Variants in RFC5 observed in about 807,000 individuals in gnomAD.
The protein encoded by RFC5 is replication factor C subunit 5, also known as A1 36 kDa subunit.
In RFC5, 26 loss-of-function variants were observed where a neutral mutation model predicts 44.3. That is an observed-to-expected ratio of 0.59 (90% CI 0.43 to 0.81). RFC5 has a LOEUF of 0.81. Among genes scored for constraint, RFC5 ranks in the 40% least tolerant of loss-of-function variants. The pLI, the probability that RFC5 is intolerant of heterozygous loss-of-function variation, is 0.00. For missense variants in RFC5, 328 were observed against 418.6 expected, an observed-to-expected ratio of 0.78 and a Z score of 1.89; for synonymous variants, 155 against 155.2, an observed-to-expected ratio of 1.00 and a Z score of 0.01.
At chr12:118,037,667 TA>T (rs752087366), downstream of RFC5, among the ~76,000 whole-genome samples, 2,193 of 123,450 alleles carry the variant, frequency 0.018, 44 homozygotes, top group African/African-American at 0.055. Flanking sequence ...AAACTCTGTC[TA>T]AAAAAAAAAA....
At chr12:118,033,441 G>A (rs1389631141), downstream of RFC5, 1 of 152,080 alleles carries the variant, frequency 6.6e-6, no homozygotes, top group East Asian at 1.9e-4. Flanking sequence ...CTAATAAATG[G>A]CCACTGATAA....
intron 3 of RFC5, among the ~76,000 whole-genome samples, chr12:118,020,705 T>TG (rs1276576600): frequency 6.6e-6 from 1 of 152,108 alleles, no homozygotes; most frequent in African/African-American, 2.4e-5. Context: ...CCTCAAAGGG[T>TG]GGGGGTAATA....
chr12:118,022,457 G>C, intron 5 of RFC5, 98 bp downstream of exon 5: 1 of 845,658 alleles, frequency 1.2e-6, no homozygotes, highest in Non-Finnish European at 1.9e-6. Flanking sequence ...TTTTTTAGGC[G>C]GGGGGGAGTT....
In RFC5 at chr12:118,019,624, A is replaced by G; in HGVS notation, c.131-8A>G. On this transcript the variant is annotated splice_region_variant and splice_polypyrimidine_tract_variant and intron_variant, in intron 2 of 10. Coordinates refer to ENST00000454402, the MANE Select transcript of RFC5 (RefSeq NM_007370.7). The surrounding 1 kb of genome is among the most constrained non-coding windows in gnomAD (Gnocchi z 4.2). Reference sequence around the variant, plus strand: ...CTGATGGTGCCCTTCTTCCTTCCTGATCCTCAGTTCAGAAGTTTATCAATG... The same window carrying G: ...CTGATGGTGCCCTTCTTCCTTCCTGGTCCTCAGTTCAGAAGTTTATCAATG... 1 of 1,613,906 alleles carries G rather than the reference A, an allele frequency of 6.2e-7. No individual in the cohort carries two copies.
Position 118,022,269 on chromosome 12 carries a change from A to C in RFC5, c.348-17A>C. ...GAGATTGAAGAAATCTTTAGACAGC[A>C]CCATTTGTTTTTCTAGGAAAGGCTT... is the stretch of plus-strand genomic sequence containing the variant. On this transcript the variant is annotated splice_polypyrimidine_tract_variant and intron_variant, in intron 4 of 10. Transcript: ENST00000454402. The C allele has an allele frequency of 6.2e-7, 1 of 1,602,502 alleles. No individual in the cohort carries two copies. The highest frequency in any genetic ancestry group is 1.1e-5 in the South Asian group (1 of 90,854).
chr12:118,022,159 C>G (rs926082338), intron 4 of RFC5, 127 bp from the exon 5 acceptor site: 1 of 735,264 alleles, frequency 1.4e-6, no homozygotes, highest in African/African-American at 1.8e-5. Flanking sequence ...TCTGCCTTGG[C>G]CAAAGTTCTA....
chr12:118,036,315 CAT>C, downstream of RFC5: 1 of 1,603,960 alleles, frequency 6.2e-7, no homozygotes, highest in Non-Finnish European at 8.5e-7. Context: ...ACAAAAAAGT[CAT>C]AGCAGGGATT....
intron 1 of RFC5, chr12:118,017,864 T>G (rs1480597264): frequency 3.0e-6 from 2 of 667,604 alleles, no homozygotes; most frequent in Admixed American, 2.1e-5. Context: ...TACAATTCAG[T>G]GGCATTAAGT....
intron 10 of RFC5, among the ~76,000 whole-genome samples, 171 bp downstream of exon 10, chr12:118,029,996 G>A (rs1296695755): frequency 6.6e-6 from 1 of 152,058 alleles, no homozygotes; most frequent in Non-Finnish European, 1.5e-5. Flanking sequence ...GCTGCTTAAA[G>A]AACATGGGGA....
chr12:118,034,340 G>T (rs1250976470), downstream of RFC5: 3 of 1,613,970 alleles, frequency 1.9e-6, no homozygotes, highest in African/African-American at 4.0e-5. Flanking sequence ...TCCAGAACTG[G>T]ACGTGGCCAT....
intron 1 of RFC5, among the ~76,000 whole-genome samples, chr12:118,018,696 G>GCCT (rs1362049832): frequency 2.0e-5 from 3 of 151,902 alleles, no homozygotes; most frequent in Non-Finnish European, 4.4e-5. Flanking sequence ...TGCAACCTCC[G>GCCT]CCTCCCGGGT....
intron 1 of RFC5, chr12:118,017,544 C>G: frequency 2.4e-6 from 1 of 418,496 alleles, no homozygotes; most frequent in Non-Finnish European, 3.6e-6. Context: ...GCTTCCAAGA[C>G]TTTGAAGCAA....
rs191078389 is a variant in RFC5 at position 118,029,860 on chromosome 12, T to C, written c.926+35T>C. On this transcript the variant is annotated intron_variant, in intron 10 of 10. Coordinates refer to ENST00000454402, the MANE Select transcript of RFC5 (RefSeq NM_007370.7). ...TCTTGCCCCAGTTTTAATTCTTTTC[T>C]TCCTTTTTTCCCCTGTTGTGAGTTA... 98 of 1,440,248 alleles carry C rather than the reference T, an allele frequency of 6.8e-5. 1 individual carries two copies. The East Asian group carries it at 2.0e-3, about 30-fold the overall frequency. The allele number at this position is 1,440,248 out of a possible 1,614,324, so 89.2% of individuals were successfully genotyped here. A position where few individuals can be genotyped will look rare whatever the true frequency, so the allele number is the denominator to read the frequency against.
chr12:118,023,198 G>C (rs1211492321), intron 5 of RFC5, among the ~76,000 whole-genome samples: 2 of 151,768 alleles, frequency 1.3e-5, no homozygotes, highest in Non-Finnish European at 2.9e-5. Context: ...TGCTTGCCAA[G>C]TGAATGATTT....
downstream of RFC5, chr12:118,032,235 T>G (rs1252779291): frequency 6.6e-6 from 1 of 152,218 alleles, no homozygotes; most frequent in Non-Finnish European, 1.5e-5. Flanking sequence ...CTGTTCTTTA[T>G]AAAATGTCAA....
rs1404966671 is a variant in RFC5 at position 118,019,721 on chromosome 12, G to A, written c.220G>A (p.Ala74Thr). 5.0e-6 allele frequency: 8 copies of A among 1,613,870 alleles called. No individual in the cohort carries two copies. The African/African-American group carries it at 9.3e-5, about 19-fold the overall frequency. ...TGKTSTILAC[A>T]KQLYKDKEFG... ...CAAGACATCTACCATCCTAGCCTGTGCGAAACAGCTATATAAAGACAAAGA... is the reference window on the plus strand; with the variant it reads ...CAAGACATCTACCATCCTAGCCTGTACGAAACAGCTATATAAAGACAAAGA... Residue 74 changes from alanine to threonine, a missense_variant, in exon 3 of 11, where the codon GCG becomes ACG. Ala to Thr is a moderately conservative substitution (Grantham distance 58). Coordinates refer to ENST00000454402, the MANE Select transcript of RFC5 (RefSeq NM_007370.7). This position sits in a 1 kb window ranked among gnomAD's most constrained non-coding sequence, Gnocchi z 4.2.
At chr12:118,039,965 C>G in the RFC5 span, among the ~76,000 whole-genome samples, 11 of 152,010 alleles carry the variant, frequency 7.2e-5, no homozygotes, top group Admixed American at 5.2e-4. Context: ...AGGCTGGTCT[C>G]GAACTCCTGA....
chr12:118,038,484 T>C, the RFC5 span: 1 of 1,127,800 alleles, frequency 8.9e-7, no homozygotes, highest in African/African-American at 1.5e-5. Context: ...CCCAGCCCAG[T>C]ATACCCATCA....
At chr12:118,035,925 G>T (rs944730698), downstream of RFC5, 24 of 166,098 alleles carry the variant, frequency 1.4e-4, no homozygotes, top group Non-Finnish European at 2.8e-4. Context: ...AATGAACCAG[G>T]CCAGGCGCAG....
Sources: gnomAD v4.1 joint callset for allele counts (sites outside exome capture counted in the v4.1 genomes callset) on GRCh38, gnomAD v4.1.1 for gene constraint, Gnocchi (gnomAD v3.1) non-coding constraint, MANE v1.5 for transcripts, NCBI Gene and HGNC (gene_info 2026-07-23, HGNC 2026-07-21) for gene names.